Variants in CNGA3 observed in about 807,000 individuals in gnomAD.
CNGA3 encodes the protein cyclic nucleotide gated channel subunit alpha 3, also known as cyclic nucleotide-gated channel alpha-3.
CNGA3 carries 42 observed loss-of-function variants against 46.6 expected under a neutral mutation model. The observed-to-expected ratio is 0.90, with a 90% confidence interval of 0.70 to 1.17. CNGA3 has a LOEUF of 1.17. Ranked by LOEUF, CNGA3 falls within the 50% of genes most tolerant of loss-of-function variation. The pLI is 0.00. For missense variants in CNGA3, 893 were observed against 890.7 expected (o/e 1.00, Z -0.03); for synonymous variants, 394 against 369.4 (o/e 1.07, Z -0.76).
intron 4 of CNGA3, among the ~76,000 whole-genome samples, chr2:98,381,328 C>G (rs1558813455): frequency 6.6e-6 from 1 of 152,080 alleles, no homozygotes; most frequent in African/African-American, 2.4e-5. Flanking sequence ...AGCATGATGG[C>G]TGCAGAACAG....
intron 6 of CNGA3, among the ~76,000 whole-genome samples, chr2:98,391,172 T>C (rs1692778227): frequency 6.6e-6 from 1 of 152,210 alleles, no homozygotes; most frequent in African/African-American, 2.4e-5. Flanking sequence ...GCTGATCTCC[T>C]GCTCTTCGGA....
chr2:98,356,905 T>G (rs1443882946), intron 1 of CNGA3, among the ~76,000 whole-genome samples: 1 of 152,182 alleles, frequency 6.6e-6, no homozygotes, highest in Non-Finnish European at 1.5e-5. Context: ...CCAAGTGGAA[T>G]GGAAATTTTC....
At position 98,347,932 on chromosome 2, in the gene CNGA3, C is replaced by G. The variant is rs140987675; in HGVS notation, c.-38+1398C>G. Among the ~76,000 whole-genome samples, 134 of 152,316 alleles carry G rather than the reference C, an allele frequency of 8.8e-4. 1 individual carries two copies. Among genetic ancestry groups the G allele is most frequent in the African/African-American group, 3.1e-3 (128 of 41,564 alleles). On this transcript the variant is annotated intron_variant, in intron 1 of 7. Coordinates refer to ENST00000272602, the MANE Select transcript of CNGA3 (RefSeq NM_001298.3). ...GGCACGGAGTCCAATGTACAGCGTGCGTTCACGCTGAGAATTCATGGGGGA... is the reference window on the plus strand; with the variant it reads ...GGCACGGAGTCCAATGTACAGCGTGGGTTCACGCTGAGAATTCATGGGGGA...
intron 7 of CNGA3, among the ~76,000 whole-genome samples, chr2:98,394,071 A>G (rs1692855174): frequency 6.6e-6 from 1 of 151,708 alleles, no homozygotes; most frequent in Non-Finnish European, 1.5e-5. Context: ...ACTTGCCCCC[A>G]ACTTCCGGGA....
At chr2:98,382,855 C>T (rs1343843044) in intron 4 of CNGA3, among the ~76,000 whole-genome samples, 2 of 152,192 alleles carry the variant, frequency 1.3e-5, no homozygotes, top group Non-Finnish European at 1.5e-5. Flanking sequence ...AAACTGAAAA[C>T]AGCAACAATC....
chr2:98,387,275 C>T (rs541493056), intron 5 of CNGA3, among the ~76,000 whole-genome samples: 3 of 152,292 alleles, frequency 2.0e-5, no homozygotes, highest in East Asian at 3.9e-4. Flanking sequence ...TTTTTCCACA[C>T]GTATCGCACA....
chr2:98,353,822 A>G (rs1691820370), intron 1 of CNGA3, among the ~76,000 whole-genome samples: 1 of 152,180 alleles, frequency 6.6e-6, no homozygotes, highest in Non-Finnish European at 1.5e-5. Context: ...ACTTACAATC[A>G]TGGTGGAAGC....
At chr2:98,395,642 A>G (rs545705342) in intron 7 of CNGA3, among the ~76,000 whole-genome samples, 21 of 152,318 alleles carry the variant, frequency 1.4e-4, no homozygotes, top group African/African-American at 4.3e-4. Flanking sequence ...AAAAAATTCA[A>G]TAGAATAGAT....
chr2:98,354,710 A>T (rs1574358206), intron 1 of CNGA3, among the ~76,000 whole-genome samples: 1 of 152,314 alleles, frequency 6.6e-6, no homozygotes, highest in East Asian at 1.9e-4. Context: ...GCTTGAGCCC[A>T]GGAGGTCAAG....
At chr2:98,391,104 C>T (rs1040992895) in intron 6 of CNGA3, among the ~76,000 whole-genome samples, 25 of 152,284 alleles carry the variant, frequency 1.6e-4, no homozygotes, top group African/African-American at 5.5e-4. Flanking sequence ...CCAGATTATG[C>T]CGCACGTCAG....
chr2:98,366,296 G>A (rs1692148836), intron 1 of CNGA3, among the ~76,000 whole-genome samples: 1 of 152,144 alleles, frequency 6.6e-6, no homozygotes, highest in Admixed American at 6.6e-5. Flanking sequence ...GTCTCAAAGG[G>A]GCGCTGACCT....
chr2:98,364,021 G>A (rs534558111), intron 1 of CNGA3, among the ~76,000 whole-genome samples: 2 of 152,038 alleles, frequency 1.3e-5, no homozygotes, highest in Non-Finnish European at 2.9e-5. Context: ...TCTTTATGTT[G>A]AATTGATACT....
chr2:98,393,298 G>A (rs1417420362), intron 7 of CNGA3, among the ~76,000 whole-genome samples: 1 of 152,056 alleles, frequency 6.6e-6, no homozygotes, highest in Non-Finnish European at 1.5e-5. Context: ...GATCACAGTA[G>A]CCGACCTCCG....
At chr2:98,392,458 G>C (rs1246552293) in intron 7 of CNGA3, among the ~76,000 whole-genome samples, 1 of 152,128 alleles carries the variant, frequency 6.6e-6, no homozygotes, top group Admixed American at 6.5e-5. Context: ...TACTTGAGAG[G>C]CTGAGGCAGG....
rs1692942235 is a variant in CNGA3, at chr2:98,397,195, G to A, written c.2025G>A (p.Lys675=). The change falls in exon 8 of 8, where the codon AAG becomes AAA. Residue 675 remains lysine (K), a synonymous_variant. Transcript: ENST00000272602. ...GCCAGGTGAAGGGTGGTGGGGACAA[G>A]CCCCTGGCTGATGGGGAAGTTCCCG... ...LESQVKGGGD[K]PLADGEVPGD... 2 of 1,614,022 alleles carry A rather than the reference G, an allele frequency of 1.2e-6. No homozygotes were observed. Among genetic ancestry groups the A allele is most frequent in the African/African-American group, 1.3e-5 (1 of 74,940 alleles).
intron 3 of CNGA3, 142 bp from the exon 4 acceptor site, chr2:98,380,033 C>T (rs1692500738): frequency 1.4e-5 from 14 of 974,374 alleles, no homozygotes; most frequent in Non-Finnish European, 2.2e-5. Flanking sequence ...AGCACCCGTA[C>T]CCTGCTGGTC....
At chr2:98,372,599 A>G (rs11123677) in intron 2 of CNGA3, among the ~76,000 whole-genome samples, 32,934 of 152,102 alleles carry the variant, frequency 0.22, 3,866 homozygotes, top group Admixed American at 0.35. Flanking sequence ...CTGACCTGCT[A>G]TGAAAAGTTG....
intron 2 of CNGA3, among the ~76,000 whole-genome samples, chr2:98,370,762 A>G (rs1222981086): frequency 6.6e-6 from 1 of 152,222 alleles, no homozygotes; most frequent in Non-Finnish European, 1.5e-5. Flanking sequence ...CTGGTATAAT[A>G]GTGAGGACAC....
intron 1 of CNGA3, among the ~76,000 whole-genome samples, chr2:98,347,669 C>G (rs528721368): frequency 6.6e-6 from 1 of 152,186 alleles, no homozygotes; most frequent in Non-Finnish European, 1.5e-5. Context: ...CAGGCCTCGC[C>G]GGAAGCTGGC....
Sources: gnomAD v4.1 joint callset for allele counts (sites outside exome capture counted in the v4.1 genomes callset) on GRCh38, gnomAD v4.1.1 for gene constraint, MANE v1.5 for transcripts, NCBI Gene and HGNC (gene_info 2026-07-23, HGNC 2026-07-21) for gene names.